EPAS1: variants seen among roughly 807,000 people sequenced by gnomAD.
EPAS1 encodes the protein endothelial PAS domain protein 1.
In EPAS1, 23 loss-of-function variants were observed where a neutral mutation model predicts 87.9. That is an observed-to-expected ratio of 0.26 (90% CI 0.19 to 0.37). The LOEUF (loss-of-function observed/expected upper bound fraction) is 0.37. Ranked by LOEUF, EPAS1 falls within the 10% of genes least tolerant of loss-of-function variation. The pLI is 1.00. For missense variants in EPAS1, 1,138 were observed against 1,120.7 expected (o/e 1.02, Z -0.22); for synonymous variants, 508 against 444.3 (o/e 1.14, Z -1.80).
At position 46,360,210 on chromosome 2, in the gene EPAS1, T is replaced by C. The variant is rs913529098; in HGVS notation, c.455-428T>C. 1.3e-5 allele frequency among the ~76,000 whole-genome samples: 2 copies of C among 152,242 alleles called. No homozygotes were observed. Among genetic ancestry groups the C allele is most frequent in the Non-Finnish European group, 2.9e-5 (2 of 68,048 alleles). On this transcript the variant is annotated intron_variant, in intron 4 of 15. Coordinates refer to ENST00000263734, the MANE Select transcript of EPAS1 (RefSeq NM_001430.5). The surrounding 1 kb of genome is among the most constrained non-coding windows in gnomAD (Gnocchi z 4.5). ...GAGTGTCGGAGAGACATTTCTAACC[T>C]GTGAGGAAGGCTTACACCCTTGGAG...
At chr2:46,301,922 C>G (rs1193949668) in intron 1 of EPAS1, among the ~76,000 whole-genome samples, 1 of 151,570 alleles carries the variant, frequency 6.6e-6, no homozygotes, top group African/African-American at 2.4e-5. Context: ...AGAAAAAAAT[C>G]TACTTATATA....
intron 1 of EPAS1, among the ~76,000 whole-genome samples, chr2:46,319,831 C>T (rs1683417668): frequency 6.6e-6 from 1 of 152,204 alleles, no homozygotes; most frequent in Non-Finnish European, 1.5e-5. Flanking sequence ...GTAAAGTTTA[C>T]TGTTTAGTCA....
chr2:46,376,036 GA>G (rs1168904440), intron 8 of EPAS1, among the ~76,000 whole-genome samples, 199 bp downstream of exon 8: 1 of 152,172 alleles, frequency 6.6e-6, no homozygotes, highest in Non-Finnish European at 1.5e-5. Flanking sequence ...ACTGGGTTGG[GA>G]TTTTTTTTTC....
In EPAS1 at chr2:46,316,122, T is replaced by C. The variant is rs142476571; in HGVS notation, c.26+18185T>C. Among the ~76,000 whole-genome samples, 5 of 152,344 alleles carry C rather than the reference T, an allele frequency of 3.3e-5. 1 individual carries two copies. In the East Asian group the frequency reaches 9.6e-4, roughly 29 times the overall value. ...AGAATACGGGCATACTTCTAAGATATTGTAGGTTCGTTCCAGGCCACTACA... is the reference window on the plus strand; with the variant it reads ...AGAATACGGGCATACTTCTAAGATACTGTAGGTTCGTTCCAGGCCACTACA... On this transcript the variant is annotated intron_variant, in intron 1 of 15. Coordinates refer to ENST00000263734, the MANE Select transcript of EPAS1 (RefSeq NM_001430.5).
At chr2:46,340,383 A>G (rs1683887590) in intron 1 of EPAS1, among the ~76,000 whole-genome samples, 1 of 152,202 alleles carries the variant, frequency 6.6e-6, no homozygotes, top group Non-Finnish European at 1.5e-5. Context: ...CTGGAGGCTC[A>G]GCCCCAGCGG....
At chr2:46,370,172 G>C (rs181952148) in intron 7 of EPAS1, among the ~76,000 whole-genome samples, 92 of 152,362 alleles carry the variant, frequency 6.0e-4, no homozygotes, top group African/African-American at 2.1e-3. Flanking sequence ...CCGTGCCAAG[G>C]TGCACAGCTG....
At chr2:46,345,248 TACTA>T (rs1684001416) in intron 1 of EPAS1, among the ~76,000 whole-genome samples, 1 of 152,202 alleles carries the variant, frequency 6.6e-6, no homozygotes, top group Non-Finnish European at 1.5e-5. Context: ...CAGGTCCAAA[TACTA>T]CCATGCCTGG....
intron 1 of EPAS1, among the ~76,000 whole-genome samples, chr2:46,303,097 A>G (rs1014358709): frequency 6.6e-6 from 1 of 152,180 alleles, no homozygotes; most frequent in Non-Finnish European, 1.5e-5. Context: ...GAAAGAAAAT[A>G]TAAAGAGCTG....
At chr2:46,316,131 C>T (rs1359317212) in intron 1 of EPAS1, among the ~76,000 whole-genome samples, 5 of 152,036 alleles carry the variant, frequency 3.3e-5, no homozygotes, top group Non-Finnish European at 4.4e-5. Flanking sequence ...ATTGTAGGTT[C>T]GTTCCAGGCC....
intron 6 of EPAS1, 108 bp from the exon 7 acceptor site, chr2:46,369,719 A>C (rs1684584761): frequency 2.7e-6 from 2 of 752,706 alleles, no homozygotes; most frequent in Non-Finnish European, 4.7e-6. Flanking sequence ...GATTGTGTTC[A>C]TCTGCATGTG....
chr2:46,299,129 G>C (rs1391939606), intron 1 of EPAS1, among the ~76,000 whole-genome samples: 1 of 152,264 alleles, frequency 6.6e-6, no homozygotes, highest in Non-Finnish European at 1.5e-5. Flanking sequence ...TCACTGCCGA[G>C]GTTGATTTGC....
chr2:46,343,756 G>C (rs945429599), intron 1 of EPAS1, among the ~76,000 whole-genome samples: 1 of 152,136 alleles, frequency 6.6e-6, no homozygotes, highest in Non-Finnish European at 1.5e-5. Flanking sequence ...TTTATTTCTT[G>C]CCAAAGCCAC....
Position 46,384,735 on chromosome 2 carries a change from A to G in EPAS1, c.*75A>G, listed in dbSNP as rs189988128. ...TTCACTCTCTCCGTCTGTTTTTGCAACTAGGTATTTCTAACGCCAGCACAC... is the reference window on the plus strand; with the variant it reads ...TTCACTCTCTCCGTCTGTTTTTGCAGCTAGGTATTTCTAACGCCAGCACAC... On this transcript the variant is annotated 3_prime_UTR_variant, in exon 16 of 16. Transcript: ENST00000263734. 1.1e-4 allele frequency: 175 copies of G among 1,564,094 alleles called. 1 individual carries two copies. In the African/African-American group the frequency reaches 1.7e-3, roughly 15 times the overall value.
intron 4 of EPAS1, among the ~76,000 whole-genome samples, chr2:46,359,776 C>A (rs554755229): frequency 6.6e-6 from 1 of 152,294 alleles, no homozygotes; most frequent in South Asian, 2.1e-4. Flanking sequence ...AGGATTATAT[C>A]TTTGAAAGTA....
chr2:46,332,869 G>T (rs1437856271), intron 1 of EPAS1, among the ~76,000 whole-genome samples: 1 of 152,144 alleles, frequency 6.6e-6, no homozygotes, highest in African/African-American at 2.4e-5. Flanking sequence ...CTGTAGTGTC[G>T]AGGAGGTGGG....
rs1684623287 is a variant in EPAS1 at position 46,371,326 on chromosome 2, C to T, written c.886+1393C>T. Among the ~76,000 whole-genome samples, 1 of 152,156 alleles carries T rather than the reference C, an allele frequency of 6.6e-6. No individual in the cohort carries two copies. The highest frequency in any genetic ancestry group is 2.1e-4 in the South Asian group (1 of 4,832). On this transcript the variant is annotated intron_variant, in intron 7 of 15. Transcript: ENST00000263734. The surrounding 1 kb of genome is among the most constrained non-coding windows in gnomAD (Gnocchi z 4.3). ...CAAGCTGTATGTGAACATGGTTAAC[C>T]CACTCTTAAGGAGTGAGATCTTTCT...
chr2:46,372,559 G>A (rs1212266147), intron 7 of EPAS1, among the ~76,000 whole-genome samples: 4 of 152,214 alleles, frequency 2.6e-5, no homozygotes, highest in Non-Finnish European at 4.4e-5. Flanking sequence ...GTTACTCTGG[G>A]CGTGAGGTTA....
chr2:46,331,161 A>T (rs570411528), intron 1 of EPAS1, among the ~76,000 whole-genome samples: 8 of 152,346 alleles, frequency 5.3e-5, no homozygotes, highest in Non-Finnish European at 1.0e-4. Context: ...TCATAGAGTA[A>T]GTGTCCAAGT....
chr2:46,310,766 C>T (rs1572614393), intron 1 of EPAS1, among the ~76,000 whole-genome samples: 1 of 152,238 alleles, frequency 6.6e-6, no homozygotes, highest in Non-Finnish European at 1.5e-5. Flanking sequence ...TAGAGGCCAG[C>T]GGGTCTCATC....
Sources: gnomAD v4.1 joint callset for allele counts (sites outside exome capture counted in the v4.1 genomes callset) on GRCh38, gnomAD v4.1.1 for gene constraint, Gnocchi (gnomAD v3.1) non-coding constraint, MANE v1.5 for transcripts, NCBI Gene and HGNC (gene_info 2026-07-23, HGNC 2026-07-21) for gene names.